The following MTCL2 variants were observed in gnomAD, a reference collection of about 807,000 sequenced individuals.
MTCL2 encodes the protein microtubule cross-linking factor 2.
the MTCL2 span, among the ~76,000 whole-genome samples, chr20:36,851,056 G>C: frequency 2.0e-5 from 3 of 152,124 alleles, no homozygotes; most frequent in Non-Finnish European, 4.4e-5. Context: ...GTCTGAAATC[G>C]AGAGAGGAAC....
At chr20:36,839,155 C>A in the MTCL2 span, 1 of 1,510,008 alleles carries the variant, frequency 6.6e-7, no homozygotes, top group South Asian at 1.2e-5. The surrounding 1 kb of genome is among the most constrained non-coding windows in gnomAD (Gnocchi z 5.1). Flanking sequence ...CAAGGCCAAC[C>A]TGGGCCCCAC....
the MTCL2 span, among the ~76,000 whole-genome samples, chr20:36,840,576 A>G: frequency 1.3e-5 from 2 of 149,848 alleles, no homozygotes; most frequent in Non-Finnish European, 3.0e-5. Flanking sequence ...GAGGTTGGGC[A>G]CGGTGGCTCA....
the MTCL2 span, among the ~76,000 whole-genome samples, chr20:36,833,003 C>T: frequency 6.6e-6 from 1 of 152,220 alleles, no homozygotes; most frequent in African/African-American, 2.4e-5. Context: ...CCCCCGGGTG[C>T]TCACCACGTG....
At chr20:36,849,395 C>T in the MTCL2 span, among the ~76,000 whole-genome samples, 14 of 152,068 alleles carry the variant, frequency 9.2e-5, no homozygotes, top group Non-Finnish European at 1.9e-4. Context: ...AAATGAAATA[C>T]AGGCGGGAGA....
the MTCL2 span, among the ~76,000 whole-genome samples, chr20:36,826,202 G>A: frequency 3.3e-5 from 5 of 150,872 alleles, no homozygotes; most frequent in East Asian, 9.9e-4. Context: ...GTAGAGACGG[G>A]GTTTCACCGT....
chr20:36,849,349 G>A, the MTCL2 span, among the ~76,000 whole-genome samples: 9 of 152,054 alleles, frequency 5.9e-5, no homozygotes, highest in East Asian at 3.9e-4. Context: ...GTGAGCCACC[G>A]CACCCAGCCA....
At chr20:36,815,729 C>T in the MTCL2 span, 2 of 1,596,198 alleles carry the variant, frequency 1.3e-6, no homozygotes, top group African/African-American at 1.3e-5. The surrounding 1 kb of genome is among the most constrained non-coding windows in gnomAD (Gnocchi z 5.3). Context: ...CCGCCAGCTC[C>T]TCCTGTGAAG....
chr20:36,792,452 C>G, the MTCL2 span, among the ~76,000 whole-genome samples: 2,472 of 152,032 alleles, frequency 0.016, 58 homozygotes, highest in African/African-American at 0.057. Flanking sequence ...TTACAGTGAG[C>G]CGAGATTGAG....
chr20:36,841,513 G>A, the MTCL2 span, among the ~76,000 whole-genome samples: 1 of 152,070 alleles, frequency 6.6e-6, no homozygotes, highest in Non-Finnish European at 1.5e-5. Flanking sequence ...GAAAGCTAGG[G>A]GGAGAGGTTA....
chr20:36,797,516 T>G, the MTCL2 span: 1 of 1,554,738 alleles, frequency 6.4e-7, no homozygotes, highest in East Asian at 2.4e-5. Context: ...TTCCAGCTGT[T>G]GTCCTGCTTC....
At chr20:36,811,533 GGCTCGAGATTC>G in the MTCL2 span, among the ~76,000 whole-genome samples, 1 of 151,936 alleles carries the variant, frequency 6.6e-6, no homozygotes, top group African/African-American at 2.4e-5. Context: ...GGAGGGCTGA[GGCTCGAGATTC>G]GCTTGAACTC....
the MTCL2 span, chr20:36,794,677 C>A: frequency 6.3e-7 from 1 of 1,582,794 alleles, no homozygotes; most frequent in South Asian, 1.1e-5. This position sits in a 1 kb window ranked among gnomAD's most constrained non-coding sequence, Gnocchi z 5.4. Context: ...CACCCTGGTC[C>A]GTGTGCTGCG....
chr20:36,860,040 T>G, the MTCL2 span, among the ~76,000 whole-genome samples: 1 of 152,180 alleles, frequency 6.6e-6, no homozygotes, highest in African/African-American at 2.4e-5. Context: ...ACCCTGCCTC[T>G]GTGAGGCTGG....
At chr20:36,801,436 T>C in the MTCL2 span, among the ~76,000 whole-genome samples, 1 of 151,212 alleles carries the variant, frequency 6.6e-6, no homozygotes, top group South Asian at 2.1e-4. Context: ...CCTGTAAATA[T>C]AAATTTAAAT....
At chr20:36,805,824 A>G in the MTCL2 span, 6 of 1,567,196 alleles carry the variant, frequency 3.8e-6, no homozygotes, top group South Asian at 7.1e-5. Flanking sequence ...AATGGACACA[A>G]CAGGACCGGG....
the MTCL2 span, among the ~76,000 whole-genome samples, chr20:36,813,162 C>T: frequency 2.6e-5 from 4 of 152,130 alleles, no homozygotes; most frequent in Non-Finnish European, 4.4e-5. Context: ...CTGTTCATCC[C>T]TCTTTCAAGA....
chr20:36,794,581 G>C, the MTCL2 span: 2 of 1,614,010 alleles, frequency 1.2e-6, no homozygotes, highest in South Asian at 2.2e-5. This position sits in a 1 kb window ranked among gnomAD's most constrained non-coding sequence, Gnocchi z 5.4. Context: ...ACTCAGACAT[G>C]GAAGAAACAG....
chr20:36,804,727 G>T, the MTCL2 span: 1 of 1,611,348 alleles, frequency 6.2e-7, no homozygotes, highest in Non-Finnish European at 8.5e-7. Context: ...GACAGGTGGG[G>T]GGCTCACCTG....
the MTCL2 span, among the ~76,000 whole-genome samples, chr20:36,811,011 C>T: frequency 1.3e-5 from 2 of 152,110 alleles, no homozygotes; most frequent in Non-Finnish European, 2.9e-5. Context: ...TGTGAGTCAC[C>T]GTGCCTGGCC....
Sources: gnomAD v4.1 joint callset for allele counts (sites outside exome capture counted in the v4.1 genomes callset) on GRCh38, gnomAD v4.1.1 for gene constraint, Gnocchi (gnomAD v3.1) non-coding constraint, MANE v1.5 for transcripts, NCBI Gene and HGNC (gene_info 2026-07-23, HGNC 2026-07-21) for gene names.